HCRTR2: variants seen among roughly 807,000 people sequenced by gnomAD.
HCRTR2 encodes orexin receptor type 2.
A neutral mutation model predicts 49.0 loss-of-function variants in HCRTR2; 22 were observed. That is an observed-to-expected ratio of 0.45 (90% CI 0.32 to 0.64). HCRTR2 has a LOEUF of 0.64. Ranked by LOEUF, HCRTR2 falls within the 30% of genes least tolerant of loss-of-function variation. HCRTR2 has a pLI of 0.04. For synonymous variants in HCRTR2, 236 were observed against 205.3 expected, an observed-to-expected ratio of 1.15 and a Z score of -1.28; for missense variants, 491 against 559.4, an observed-to-expected ratio of 0.88 and a Z score of 1.23.
chr6:55,200,717 G>A (rs1765498492), intron 1 of HCRTR2, among the ~76,000 whole-genome samples: 1 of 152,062 alleles, frequency 6.6e-6, no homozygotes, highest in South Asian at 2.1e-4. Context: ...ACAATTAGTA[G>A]AATTTTGATG....
At chr6:55,158,189 G>T (rs1012282925) in intron 1 of HCRTR2, among the ~76,000 whole-genome samples, 2 of 152,286 alleles carry the variant, frequency 1.3e-5, no homozygotes, top group East Asian at 3.9e-4. Context: ...TCACCTCACT[G>T]GGGAAGCACA....
intron 1 of HCRTR2, among the ~76,000 whole-genome samples, chr6:55,222,476 A>G (rs1216099439): frequency 2.0e-5 from 3 of 152,200 alleles, no homozygotes; most frequent in Non-Finnish European, 4.4e-5. Context: ...TCAAAGAGAT[A>G]TTTGCACTCT....
chr6:55,129,674 T>A (rs973203458), intron 1 of HCRTR2, among the ~76,000 whole-genome samples: 4 of 152,036 alleles, frequency 2.6e-5, no homozygotes, highest in African/African-American at 9.7e-5. Context: ...TAGCATCTAG[T>A]CTGGATAAAA....
At chr6:55,108,547 C>T (rs933036676) in intron 1 of HCRTR2, among the ~76,000 whole-genome samples, 1 of 151,556 alleles carries the variant, frequency 6.6e-6, no homozygotes, top group Non-Finnish European at 1.5e-5. Context: ...AGGTTAAATC[C>T]TTCATGAGAG....
intron 1 of HCRTR2, among the ~76,000 whole-genome samples, chr6:55,120,270 A>G (rs1372991053): frequency 1.3e-5 from 2 of 151,028 alleles, no homozygotes; most frequent in Admixed American, 1.3e-4. Context: ...TTTTGGTTCC[A>G]TATTTTTTCC....
At chr6:55,136,945 T>C (rs1764442094) in intron 1 of HCRTR2, among the ~76,000 whole-genome samples, 1 of 152,158 alleles carries the variant, frequency 6.6e-6, no homozygotes, top group Non-Finnish European at 1.5e-5. Flanking sequence ...TAGAGGGCAT[T>C]GAAGGGTCTC....
chr6:55,196,661 T>G (rs1765422563), intron 1 of HCRTR2, among the ~76,000 whole-genome samples: 1 of 152,104 alleles, frequency 6.6e-6, no homozygotes, highest in Admixed American at 6.6e-5. Context: ...AAGTACTGAT[T>G]AAAATAGGAA....
chr6:55,213,185 A>T (rs946598279), intron 1 of HCRTR2, among the ~76,000 whole-genome samples: 3 of 152,198 alleles, frequency 2.0e-5, no homozygotes, highest in African/African-American at 7.2e-5. Context: ...GTTGGAGAAC[A>T]TAGAAAGGTA....
In HCRTR2 at chr6:55,222,143, A is replaced by G. The variant is rs188511552; in HGVS notation, c.224-26496A>G. Among the ~76,000 whole-genome samples the G allele has an allele frequency of 3.4e-4, 52 of 152,246 alleles. No homozygotes were observed. In the East Asian group the frequency reaches 9.8e-3, roughly 29 times the overall value. Reference sequence around the variant, plus strand: ...AAACTAACCCAATTAAAAATGGACAATGGACCTGATGGATATCTCTCCAAA... The same window carrying G: ...AAACTAACCCAATTAAAAATGGACAGTGGACCTGATGGATATCTCTCCAAA... On this transcript the variant is annotated intron_variant, in intron 1 of 6. Transcript: ENST00000370862.
chr6:55,118,619 T>C (rs1388329320), intron 1 of HCRTR2, among the ~76,000 whole-genome samples: 2 of 152,082 alleles, frequency 1.3e-5, no homozygotes, highest in African/African-American at 4.8e-5. Context: ...AGTATCTCAT[T>C]GTGGTTTTGA....
chr6:55,168,074 G>A (rs545495674), intron 1 of HCRTR2, among the ~76,000 whole-genome samples: 1 of 152,118 alleles, frequency 6.6e-6, no homozygotes, highest in Non-Finnish European at 1.5e-5. Flanking sequence ...TTGAGTTCAG[G>A]CCTGATCAAC....
chr6:55,282,097 C>G lies in HCRTR2; in HGVS notation c.1106-128C>G, dbSNP rs1016425561. On this transcript the variant is annotated intron_variant, in intron 6 of 6. Transcript: ENST00000370862. The stretch of plus-strand genomic sequence containing the variant: ...ACTCAATTTCCTTATTCTATTTTAC[C>G]CATCTTTGCAAAATATTACACCTCA... 1.6e-5 allele frequency: 11 copies of G among 686,666 alleles called. No homozygotes were observed. In the African/African-American group the frequency reaches 1.6e-4, roughly 10 times the overall value. The allele number at this position is 686,666 out of a possible 1,614,324, so 42.5% of individuals were successfully genotyped here.
At position 55,150,018 on chromosome 6, in the gene HCRTR2, C is replaced by T. The variant is rs562362485; in HGVS notation, c.-377-24193C>T. 4.8e-4 allele frequency among the ~76,000 whole-genome samples: 73 copies of T among 152,030 alleles called. No individual in the cohort carries two copies. The South Asian group carries it at 0.015, about 32-fold the overall frequency. On this transcript the variant is annotated intron_variant, in intron 1 of 7. Coordinates refer to the HCRTR2 transcript ENST00000615358. Reference sequence around the variant, plus strand: ...TATCTTTTACAGAAGCACTAAGGAACATTACACTCTCATGATGTCACCTTC... The same window carrying T: ...TATCTTTTACAGAAGCACTAAGGAATATTACACTCTCATGATGTCACCTTC...
rs76774128 is a variant in HCRTR2 at position 55,174,613 on chromosome 6, C to A, written c.26C>A (p.Ser9Tyr). The A allele has an allele frequency of 1.1e-5, 18 of 1,613,042 alleles. No homozygotes were observed. Among genetic ancestry groups the A allele is most frequent in the East Asian group, 8.9e-5 (4 of 44,824 alleles). The stretch of plus-strand genomic sequence containing the variant: ...ATGTCCGGCACCAAATTGGAGGACT[C>A]CCCCCCTTGTCGCAACTGGTCATCT... MSGTKLED[S>Y]PPCRNWSSAS... Residue 9 changes from serine (S) to tyrosine (Y), a missense_variant, in exon 1 of 7, where the codon TCC becomes TAC. Coordinates refer to ENST00000370862, the MANE Select transcript of HCRTR2 (RefSeq NM_001384272.1).
chr6:55,270,251 C>G (rs968940213), intron 4 of HCRTR2, among the ~76,000 whole-genome samples: 24 of 152,106 alleles, frequency 1.6e-4, no homozygotes, highest in African/African-American at 5.6e-4. Context: ...GTCTGTTAAT[C>G]AAATCAATTA....
chr6:55,227,829 G>A (rs1766038777), intron 1 of HCRTR2, among the ~76,000 whole-genome samples: 1 of 152,178 alleles, frequency 6.6e-6, no homozygotes, highest in East Asian at 1.9e-4. Flanking sequence ...AATTAAAAAT[G>A]AAATTGAGAG....
At chr6:55,183,608 G>A (rs1025518873) in intron 1 of HCRTR2, among the ~76,000 whole-genome samples, 8 of 152,130 alleles carry the variant, frequency 5.3e-5, no homozygotes, top group African/African-American at 1.9e-4. Flanking sequence ...AGCATTTTGA[G>A]GAAAATGCAG....
chr6:55,207,895 G>A (rs1283877909), intron 1 of HCRTR2, among the ~76,000 whole-genome samples: 2 of 152,108 alleles, frequency 1.3e-5, no homozygotes, highest in Non-Finnish European at 1.5e-5. Context: ...CATTTTAAAA[G>A]TCTGCTACAA....
intron 1 of HCRTR2, among the ~76,000 whole-genome samples, chr6:55,223,679 A>G (rs1031803063): frequency 6.6e-6 from 1 of 152,110 alleles, no homozygotes; most frequent in Non-Finnish European, 1.5e-5. Flanking sequence ...TTAGTTTTTC[A>G]ACCTCTATAT....
Sources: gnomAD v4.1 joint callset for allele counts (sites outside exome capture counted in the v4.1 genomes callset) on GRCh38, gnomAD v4.1.1 for gene constraint, MANE v1.5 for transcripts, NCBI Gene and HGNC (gene_info 2026-07-23, HGNC 2026-07-21) for gene names.